The following RAP1GAP2 variants were observed in gnomAD, a reference collection of about 807,000 sequenced individuals.
The protein encoded by RAP1GAP2 is rap1 GTPase-activating protein 2.
A neutral mutation model predicts 95.0 loss-of-function variants in RAP1GAP2; 27 were observed. The ratio of observed to expected loss-of-function variants is 0.28; its 90% CI spans 0.21 to 0.39. RAP1GAP2 has a LOEUF of 0.39. Among genes scored for constraint, RAP1GAP2 ranks in the 10% least tolerant of loss-of-function variants. The probability of loss-of-function intolerance (pLI) is 1.00; values close to 1 mark genes in which losing one functional copy is unlikely to be tolerated. For synonymous variants in RAP1GAP2, 373 were observed against 380.9 expected (o/e 0.98, Z 0.24); for missense variants, 771 against 970.0 (o/e 0.79, Z 2.72).
chr17:2,981,686 C>T (rs1166168589), intron 10 of RAP1GAP2, among the ~76,000 whole-genome samples: 3 of 152,178 alleles, frequency 2.0e-5, no homozygotes, highest in Non-Finnish European at 2.9e-5. Context: ...TGTGTTACTG[C>T]AGCTCTCCGG....
At chr17:2,982,753 C>T (rs1386572979) in intron 10 of RAP1GAP2, among the ~76,000 whole-genome samples, 2 of 152,050 alleles carry the variant, frequency 1.3e-5, no homozygotes, top group Non-Finnish European at 2.9e-5. Context: ...AAATCTTAGC[C>T]ACCGAGAGGA....
rs1168175299 is a variant in RAP1GAP2 at position 3,026,930 on chromosome 17, G to C, written c.1981-14G>C. ...AGGGTGGGCTGGCCTCGCTCACCCT[G>C]CCTCTCTCCTCAGGGCAGCCAGCCG... On this transcript the variant is annotated splice_polypyrimidine_tract_variant and intron_variant, in intron 21 of 24. Coordinates refer to ENST00000254695, the MANE Select transcript of RAP1GAP2 (RefSeq NM_015085.5). 6.5e-7 allele frequency: 1 copy of C among 1,549,392 alleles called. No individual in the cohort carries two copies. The highest frequency in any genetic ancestry group is 1.4e-5 in the African/African-American group (1 of 72,990).
At position 2,906,132 on chromosome 17, in the gene RAP1GAP2, G is replaced by A. The variant is rs1213757157; in HGVS notation, c.165+764G>A. ...CTCCTTCCTTCACACTCTGTGGAGT[G>A]AGTGAGGACTAGTGCTGAAGAAGTC... On this transcript the variant is annotated intron_variant, in intron 3 of 24. Coordinates refer to ENST00000254695, the MANE Select transcript of RAP1GAP2 (RefSeq NM_015085.5). The surrounding 1 kb of genome is among the most constrained non-coding windows in gnomAD (Gnocchi z 4.3). 1.3e-5 allele frequency among the ~76,000 whole-genome samples: 2 copies of A among 151,958 alleles called. No homozygotes were observed. Among genetic ancestry groups the A allele is most frequent in the Non-Finnish European group, 2.9e-5 (2 of 67,968 alleles).
intron 1 of RAP1GAP2, among the ~76,000 whole-genome samples, chr17:2,766,694 G>T (rs956161992): frequency 6.6e-6 from 1 of 152,180 alleles, no homozygotes; most frequent in Non-Finnish European, 1.5e-5. Flanking sequence ...TCCCTGCCAT[G>T]TGAGGATGCA....
At chr17:2,982,797 C>A (rs17822257) in intron 10 of RAP1GAP2, among the ~76,000 whole-genome samples, 30,111 of 151,852 alleles carry the variant, frequency 0.2, 3,551 homozygotes, top group East Asian at 0.33. Context: ...TCTCTCTATC[C>A]CTTGGAAAGC....
At chr17:2,838,264 C>T (rs1039983449) in intron 2 of RAP1GAP2, among the ~76,000 whole-genome samples, 4 of 149,058 alleles carry the variant, frequency 2.7e-5, no homozygotes, top group Admixed American at 1.3e-4. Context: ...GTGATCCGCC[C>T]GCCTCGGCCT....
In RAP1GAP2 at chr17:2,963,344, A is replaced by C; in HGVS notation, c.247-86A>C. ...CTCCCTCAAAGCCCCCCCACAACATATCCCCCTTGCAAGACCTGGAAACAG... is the reference window on the plus strand; with the variant it reads ...CTCCCTCAAAGCCCCCCCACAACATCTCCCCCTTGCAAGACCTGGAAACAG... On this transcript the variant is annotated intron_variant, in intron 5 of 24. Transcript: ENST00000254695. This position sits in a 1 kb window ranked among gnomAD's most constrained non-coding sequence, Gnocchi z 4.8. 39 of 1,004,508 alleles carry C rather than the reference A, an allele frequency of 3.9e-5. No homozygotes were observed. Among genetic ancestry groups the C allele is most frequent in the Non-Finnish European group, 5.3e-5 (35 of 664,208 alleles). The allele number at this position is 1,004,508 out of a possible 1,614,324, so 62.2% of individuals were successfully genotyped here.
At chr17:2,879,785 TCTCC>T (rs1048946845) in intron 2 of RAP1GAP2, among the ~76,000 whole-genome samples, 2 of 151,128 alleles carry the variant, frequency 1.3e-5, no homozygotes, top group Admixed American at 1.3e-4. Flanking sequence ...CCTTGAGCCC[TCTCC>T]CTCCATTCAG....
At chr17:2,908,521 G>T (rs556611197) in intron 3 of RAP1GAP2, among the ~76,000 whole-genome samples, 6 of 152,204 alleles carry the variant, frequency 3.9e-5, no homozygotes, top group Admixed American at 1.3e-4. Flanking sequence ...GACTCGGAGG[G>T]GCCGGTGGGG....
intron 11 of RAP1GAP2, among the ~76,000 whole-genome samples, chr17:2,988,208 C>CAAAAAAAA (rs34528475): frequency 7.4e-6 from 1 of 135,934 alleles, no homozygotes; most frequent in African/African-American, 2.6e-5. Context: ...AACTCCATCT[C>CAAAAAAAA]AAAAAAAAAA....
At chr17:2,771,775 C>T (rs56800562) in intron 2 of RAP1GAP2, among the ~76,000 whole-genome samples, 14,343 of 152,206 alleles carry the variant, frequency 0.094, 912 homozygotes, top group East Asian at 0.33. Flanking sequence ...CAAGCGTGAG[C>T]CACTGTGCCC....
intron 3 of RAP1GAP2, among the ~76,000 whole-genome samples, chr17:2,934,644 C>T (rs1304999188): frequency 1.3e-5 from 2 of 152,304 alleles, no homozygotes; most frequent in East Asian, 3.9e-4. Context: ...TATTTCATTG[C>T]TTCGAAGACA....
At position 2,869,024 on chromosome 17, in the gene RAP1GAP2, A is replaced by G. The variant is rs375349703; in HGVS notation, c.81-36260A>G. Among the ~76,000 whole-genome samples the G allele has an allele frequency of 1.2e-4, 18 of 152,296 alleles. No individual in the cohort carries two copies. In the South Asian group the frequency reaches 1.9e-3, roughly 16 times the overall value. The stretch of plus-strand genomic sequence containing the variant: ...AACCGTCTTCTCGCCATGTTCTCAC[A>G]TAGCGAAGGGGCAAGGGAGCTCTCA... On this transcript the variant is annotated intron_variant, in intron 2 of 24. Coordinates refer to ENST00000254695, the MANE Select transcript of RAP1GAP2 (RefSeq NM_015085.5).
At chr17:2,913,413 C>T (rs1035340424) in intron 3 of RAP1GAP2, among the ~76,000 whole-genome samples, 4 of 152,176 alleles carry the variant, frequency 2.6e-5, no homozygotes, top group South Asian at 2.1e-4. Context: ...CTCAGCCTCC[C>T]GAGTAGCTGG....
intron 17 of RAP1GAP2, among the ~76,000 whole-genome samples, chr17:3,012,713 C>T (rs2046600598): frequency 6.6e-6 from 1 of 151,370 alleles, no homozygotes; most frequent in Admixed American, 6.6e-5. Flanking sequence ...GTCAGCACTG[C>T]ATACGCAGCC....
chr17:2,897,493 C>G (rs1237919781), intron 2 of RAP1GAP2, among the ~76,000 whole-genome samples: 1 of 151,836 alleles, frequency 6.6e-6, no homozygotes, highest in African/African-American at 2.4e-5. Context: ...TCACTGCAAC[C>G]TCTGCCTCCT....
intron 3 of RAP1GAP2, among the ~76,000 whole-genome samples, chr17:2,938,801 A>G (rs1028281984): frequency 2.0e-5 from 3 of 152,062 alleles, no homozygotes; most frequent in Non-Finnish European, 4.4e-5. Flanking sequence ...AGCCTGGCCA[A>G]CGTCGCAAAA....
chr17:2,795,701 CAT>C (rs2069056570), upstream of RAP1GAP2, among the ~76,000 whole-genome samples: 1 of 152,150 alleles, frequency 6.6e-6, no homozygotes, highest in Admixed American at 6.5e-5. Flanking sequence ...CCTGCGGGCA[CAT>C]GTGTATGCGT....
At chr17:2,923,258 T>C (rs1199569289) in intron 3 of RAP1GAP2, among the ~76,000 whole-genome samples, 1 of 151,916 alleles carries the variant, frequency 6.6e-6, no homozygotes, top group East Asian at 1.9e-4. Flanking sequence ...CAGGCTGGTC[T>C]CAAACTCCTG....
Sources: gnomAD v4.1 joint callset for allele counts (sites outside exome capture counted in the v4.1 genomes callset) on GRCh38, gnomAD v4.1.1 for gene constraint, Gnocchi (gnomAD v3.1) non-coding constraint, MANE v1.5 for transcripts, NCBI Gene and HGNC (gene_info 2026-07-23, HGNC 2026-07-21) for gene names.